The following MAST4 variants were observed in gnomAD, a reference collection of about 807,000 sequenced individuals.
MAST4 encodes microtubule-associated serine/threonine-protein kinase 4.
In MAST4, 89 loss-of-function variants were observed where a neutral mutation model predicts 162.7. The observed-to-expected ratio is 0.55, with a 90% confidence interval of 0.46 to 0.65. The LOEUF (loss-of-function observed/expected upper bound fraction) is 0.65. Among genes scored for constraint, MAST4 ranks in the 30% least tolerant of loss-of-function variants. The probability of loss-of-function intolerance (pLI) is 0.00; values close to 1 mark genes in which losing one functional copy is unlikely to be tolerated. For missense variants in MAST4, 3,153 were observed against 3,374.0 expected, an observed-to-expected ratio of 0.93 and a Z score of 1.62; for synonymous variants, 1,479 against 1,361.1, an observed-to-expected ratio of 1.09 and a Z score of -1.91.
At chr5:66,598,040 T>A (rs1742313976) in intron 1 of MAST4, among the ~76,000 whole-genome samples, 1 of 152,206 alleles carries the variant, frequency 6.6e-6, no homozygotes, top group African/African-American at 2.4e-5. Flanking sequence ...TTTCCTCATC[T>A]TGGATGGGGT....
intron 4 of MAST4, among the ~76,000 whole-genome samples, chr5:66,976,148 A>T (rs1291194761): frequency 5.3e-5 from 8 of 152,172 alleles, no homozygotes; most frequent in African/African-American, 1.9e-4. Flanking sequence ...TGCTGTTGCC[A>T]TGTGCATGTA....
chr5:66,641,777 A>C (rs984589981), intron 1 of MAST4, among the ~76,000 whole-genome samples: 2 of 152,212 alleles, frequency 1.3e-5, no homozygotes, highest in Non-Finnish European at 2.9e-5. Context: ...AAAAATAACA[A>C]CTATAGAGGG....
chr5:66,677,507 G>A (rs1462432909), intron 1 of MAST4, among the ~76,000 whole-genome samples: 4 of 152,206 alleles, frequency 2.6e-5, no homozygotes, highest in African/African-American at 9.7e-5. Context: ...AATGTGGTCA[G>A]CAACATTTAT....
chr5:66,899,678 A>C lies in MAST4; in HGVS notation c.643-273A>C, dbSNP rs1335521622. Among the ~76,000 whole-genome samples, 3 of 152,220 alleles carry C rather than the reference A, an allele frequency of 2.0e-5. No individual in the cohort carries two copies. The East Asian group carries it at 5.8e-4, about 29-fold the overall frequency. On this transcript the variant is annotated intron_variant, in intron 3 of 28. Transcript: ENST00000403625. ...GCTCAGTTGTAGGGCCGTGTAACTC[A>C]ACTCAGTATTTTACTGTAGTTGCTT...
At chr5:67,075,884 C>T (rs1761583080) in intron 5 of MAST4, among the ~76,000 whole-genome samples, 1 of 151,900 alleles carries the variant, frequency 6.6e-6, no homozygotes, top group Non-Finnish European at 1.5e-5. Flanking sequence ...AAATGTAGAT[C>T]TTGTTATTTA....
intron 1 of MAST4, among the ~76,000 whole-genome samples, chr5:66,616,563 C>T (rs1008825181): frequency 2.0e-5 from 3 of 152,034 alleles, no homozygotes; most frequent in African/African-American, 7.2e-5. Context: ...GGGTGAAGCC[C>T]AGAGCGGGGC....
chr5:67,151,674 T>C (rs1007730318), intron 24 of MAST4, among the ~76,000 whole-genome samples: 19 of 152,054 alleles, frequency 1.2e-4, no homozygotes, highest in African/African-American at 4.6e-4. Flanking sequence ...GAATCAGTTG[T>C]CACCACAGTA....
At chr5:66,845,109 A>ATT (rs1758734163) in intron 3 of MAST4, among the ~76,000 whole-genome samples, 1 of 128,592 alleles carries the variant, frequency 7.8e-6, no homozygotes, top group African/African-American at 3.1e-5. Context: ...ATATATATAT[A>ATT]TATATATATA....
chr5:66,705,460 T>C (rs1468036537), intron 1 of MAST4, among the ~76,000 whole-genome samples: 1 of 152,222 alleles, frequency 6.6e-6, no homozygotes, highest in South Asian at 2.1e-4. Context: ...GAGCCAAATA[T>C]ATAATTATAC....
intron 3 of MAST4, among the ~76,000 whole-genome samples, chr5:66,863,547 T>C (rs763360613): frequency 6.6e-6 from 1 of 152,076 alleles, no homozygotes; most frequent in Admixed American, 6.6e-5. Context: ...CCTCTTTCCC[T>C]TTTTCTTTTC....
intron 1 of MAST4, among the ~76,000 whole-genome samples, chr5:66,749,922 G>C (rs1157218068): frequency 2.0e-5 from 3 of 152,186 alleles, no homozygotes; most frequent in African/African-American, 7.2e-5. Flanking sequence ...CGGTTTAAAA[G>C]TAGATAAAAT....
intron 4 of MAST4, among the ~76,000 whole-genome samples, chr5:66,912,126 G>C (rs1763818623): frequency 6.6e-6 from 1 of 152,166 alleles, no homozygotes; most frequent in African/African-American, 2.4e-5. Context: ...AATTGGTACT[G>C]TGTGCCTTCC....
chr5:66,906,728 G>C (rs576790944), intron 4 of MAST4, among the ~76,000 whole-genome samples: 15 of 152,230 alleles, frequency 9.9e-5, no homozygotes, highest in African/African-American at 3.1e-4. Context: ...CAAGAAACAA[G>C]GCTAGCAGAA....
chr5:66,663,179 G>A lies in MAST4; in HGVS notation c.363+66161G>A, dbSNP rs111401184. Among the ~76,000 whole-genome samples, 1,146 of 152,188 alleles carry A rather than the reference G, an allele frequency of 7.5e-3. 14 individuals are homozygous for A. Among genetic ancestry groups the A allele is most frequent in the African/African-American group, 0.025 (1,057 of 41,518 alleles). ...GCTGGGCCCTCAGGATTGTATATTTGTGCTTAGGCTGTATGCCACCCACCT... is the reference window on the plus strand; with the variant it reads ...GCTGGGCCCTCAGGATTGTATATTTATGCTTAGGCTGTATGCCACCCACCT... On this transcript the variant is annotated intron_variant, in intron 1 of 28. Coordinates refer to ENST00000403625, the MANE Select transcript of MAST4 (RefSeq NM_001164664.2).
rs60103507 is a variant in MAST4 at position 67,040,069 on chromosome 5, C to T, written c.675-14335C>T. The stretch of plus-strand genomic sequence containing the variant: ...TTTGCTGGCCAAATTTGCTTTCTGA[C>T]GCATGTTACAATGTGGGCATTAATT... On this transcript the variant is annotated intron_variant, in intron 4 of 28. Coordinates refer to ENST00000403625, the MANE Select transcript of MAST4 (RefSeq NM_001164664.2). Among the ~76,000 whole-genome samples the T allele has an allele frequency of 2.1e-3, 326 of 151,950 alleles. 3 individuals carry two copies. Among genetic ancestry groups the T allele is most frequent in the African/African-American group, 7.5e-3 (312 of 41,436 alleles).
At chr5:66,901,763 A>G (rs1044333993) in intron 4 of MAST4, among the ~76,000 whole-genome samples, 2 of 152,222 alleles carry the variant, frequency 1.3e-5, no homozygotes, top group East Asian at 1.9e-4. Flanking sequence ...TAAACATGCT[A>G]TTTTGTATTT....
chr5:66,608,828 C>T (rs188408370), intron 1 of MAST4, among the ~76,000 whole-genome samples: 58 of 152,014 alleles, frequency 3.8e-4, no homozygotes, highest in South Asian at 1.0e-3. Flanking sequence ...GGGGAGAACG[C>T]GAGTCTTCTT....
intron 3 of MAST4, among the ~76,000 whole-genome samples, chr5:66,813,014 G>A (rs188136027): frequency 9.4e-4 from 143 of 152,270 alleles, no homozygotes; most frequent in African/African-American, 3.2e-3. Flanking sequence ...GAAGTGGAAT[G>A]TTTCTAGGAT....
intron 4 of MAST4, among the ~76,000 whole-genome samples, chr5:66,971,477 G>A (rs1274430112): frequency 2.0e-5 from 3 of 152,002 alleles, no homozygotes; most frequent in African/African-American, 7.2e-5. Flanking sequence ...GCCTCTTCAG[G>A]CCTGAGTAAG....
Sources: gnomAD v4.1 joint callset for allele counts (sites outside exome capture counted in the v4.1 genomes callset) on GRCh38, gnomAD v4.1.1 for gene constraint, MANE v1.5 for transcripts, NCBI Gene and HGNC (gene_info 2026-07-23, HGNC 2026-07-21) for gene names.